The following ST6GALNAC3 variants were observed in gnomAD, a reference collection of about 807,000 sequenced individuals.
ST6GALNAC3 encodes alpha-N-acetylgalactosaminide alpha-2,6-sialyltransferase 3.
A neutral mutation model predicts 32.7 loss-of-function variants in ST6GALNAC3; 25 were observed. That is an observed-to-expected ratio of 0.76 (90% CI 0.56 to 1.07). ST6GALNAC3 has a LOEUF of 1.07. Among genes scored for constraint, ST6GALNAC3 ranks in the 50% least tolerant of loss-of-function variants. ST6GALNAC3 has a pLI of 0.00. For synonymous variants in ST6GALNAC3, 129 were observed against 133.1 expected (o/e 0.97, Z 0.21); for missense variants, 355 against 382.4 (o/e 0.93, Z 0.60).
At chr1:76,109,387 G>A (rs1316377926) in intron 1 of ST6GALNAC3, among the ~76,000 whole-genome samples, 7 of 152,190 alleles carry the variant, frequency 4.6e-5, no homozygotes, top group Admixed American at 4.6e-4. Flanking sequence ...GCATGAAACC[G>A]AAGGGCTGCA....
intron 1 of ST6GALNAC3, among the ~76,000 whole-genome samples, chr1:76,187,426 C>A (rs1256312559): frequency 2.0e-5 from 3 of 152,122 alleles, no homozygotes; most frequent in Non-Finnish European, 4.4e-5. Flanking sequence ...TAAGTTTGTA[C>A]CCTCCAGATA....
intron 3 of ST6GALNAC3, among the ~76,000 whole-genome samples, chr1:76,581,393 A>T (rs924179473): frequency 5.3e-5 from 8 of 152,174 alleles, no homozygotes; most frequent in Non-Finnish European, 1.0e-4. Flanking sequence ...GGAAGAGTGC[A>T]TGTGTTATAA....
chr1:76,353,284 C>T (rs573300417), intron 2 of ST6GALNAC3, among the ~76,000 whole-genome samples: 50 of 152,288 alleles, frequency 3.3e-4, no homozygotes, highest in African/African-American at 1.1e-3. Context: ...CGGGCCCACG[C>T]GTTTCTGTGG....
At chr1:76,371,748 G>T (rs1650838243) in intron 2 of ST6GALNAC3, among the ~76,000 whole-genome samples, 2 of 152,188 alleles carry the variant, frequency 1.3e-5, no homozygotes, top group Non-Finnish European at 2.9e-5. Flanking sequence ...ATCCCAGTTT[G>T]CTAGAGCCTG....
intron 1 of ST6GALNAC3, among the ~76,000 whole-genome samples, chr1:76,312,014 C>T (rs1646774059): frequency 6.6e-6 from 1 of 152,124 alleles, no homozygotes; most frequent in Admixed American, 6.6e-5. Context: ...TTTTGATTTG[C>T]ACTTCTCTAA....
intron 3 of ST6GALNAC3, among the ~76,000 whole-genome samples, chr1:76,454,310 C>A (rs1657612020): frequency 1.3e-5 from 2 of 152,076 alleles, no homozygotes; most frequent in South Asian, 4.2e-4. Flanking sequence ...AGGTACTATT[C>A]TATTATTCCT....
chr1:76,169,192 C>A (rs1041131480), intron 1 of ST6GALNAC3, among the ~76,000 whole-genome samples: 1 of 152,052 alleles, frequency 6.6e-6, no homozygotes, highest in Admixed American at 6.6e-5. Context: ...AAGATTATTT[C>A]TCCTTTGCTT....
chr1:76,090,501 G>T (rs894274379), intron 1 of ST6GALNAC3, among the ~76,000 whole-genome samples: 1 of 152,190 alleles, frequency 6.6e-6, no homozygotes, highest in African/African-American at 2.4e-5. Flanking sequence ...TCTTTTATCT[G>T]TTCTTGGCAC....
intron 4 of ST6GALNAC3, among the ~76,000 whole-genome samples, 177 bp downstream of exon 4, chr1:76,627,736 A>C (rs544169634): frequency 6.6e-6 from 1 of 152,052 alleles, no homozygotes; most frequent in African/African-American, 2.4e-5. Flanking sequence ...TCTAGGGGTG[A>C]GAAAAAGAAA....
chr1:76,600,614 C>A (rs893365254), intron 3 of ST6GALNAC3, among the ~76,000 whole-genome samples: 4 of 152,164 alleles, frequency 2.6e-5, no homozygotes, highest in Non-Finnish European at 4.4e-5. Context: ...CTATTCCAAC[C>A]CTGTGGTTAT....
chr1:76,195,452 A>C (rs1487613304), intron 1 of ST6GALNAC3, among the ~76,000 whole-genome samples: 1 of 152,206 alleles, frequency 6.6e-6, no homozygotes, highest in Non-Finnish European at 1.5e-5. Context: ...AGGTTTAATA[A>C]AATTAATAAT....
chr1:76,182,796 T>A (rs1653268692), intron 1 of ST6GALNAC3, among the ~76,000 whole-genome samples: 1 of 152,242 alleles, frequency 6.6e-6, no homozygotes, highest in South Asian at 2.1e-4. Context: ...CATAAAGTCG[T>A]AACATAGATT....
intron 1 of ST6GALNAC3, among the ~76,000 whole-genome samples, chr1:76,204,889 G>A (rs1463298486): frequency 1.3e-5 from 2 of 152,140 alleles, no homozygotes; most frequent in Non-Finnish European, 2.9e-5. Flanking sequence ...ATTAATAACA[G>A]TACCCTAACT....
At chr1:76,308,536 C>A (rs1661204778) in intron 1 of ST6GALNAC3, among the ~76,000 whole-genome samples, 1 of 152,144 alleles carries the variant, frequency 6.6e-6, no homozygotes, top group African/African-American at 2.4e-5. Flanking sequence ...ATAAAGGCAG[C>A]AGCAATCACT....
chr1:76,534,458 T>C (rs1663470124), intron 3 of ST6GALNAC3, among the ~76,000 whole-genome samples: 1 of 152,204 alleles, frequency 6.6e-6, no homozygotes, highest in South Asian at 2.1e-4. Context: ...TCACCCCCTG[T>C]AACTCCCCTT....
intron 1 of ST6GALNAC3, among the ~76,000 whole-genome samples, chr1:76,135,108 C>A (rs188756239): frequency 6.6e-6 from 1 of 151,822 alleles, no homozygotes; most frequent in Non-Finnish European, 1.5e-5. Flanking sequence ...CACCACTGAA[C>A]TCTAGCCTGG....
At chr1:76,311,638 C>G (rs972720058) in intron 1 of ST6GALNAC3, among the ~76,000 whole-genome samples, 13 of 152,126 alleles carry the variant, frequency 8.5e-5, no homozygotes, top group Admixed American at 1.3e-4. Flanking sequence ...GTGTAGTATT[C>G]CATAATGTGT....
chr1:76,383,428 G>T (rs1651865514), intron 2 of ST6GALNAC3, among the ~76,000 whole-genome samples: 2 of 143,136 alleles, frequency 1.4e-5, no homozygotes, highest in South Asian at 4.7e-4. Flanking sequence ...ATGCCACTAT[G>T]CCTGGCTAAT....
chr1:76,487,854 G>A (rs1225723792), intron 3 of ST6GALNAC3, among the ~76,000 whole-genome samples: 1 of 152,106 alleles, frequency 6.6e-6, no homozygotes, highest in African/African-American at 2.4e-5. Context: ...CCATCTTTGT[G>A]GTTTTGTCTA....
Sources: gnomAD v4.1 joint callset for allele counts (sites outside exome capture counted in the v4.1 genomes callset) on GRCh38, gnomAD v4.1.1 for gene constraint, MANE v1.5 for transcripts, NCBI Gene and HGNC (gene_info 2026-07-23, HGNC 2026-07-21) for gene names.